NRAP: variants seen among roughly 807,000 people sequenced by gnomAD.
NRAP encodes nebulin-related-anchoring protein.
A neutral mutation model predicts 225.9 loss-of-function variants in NRAP; 189 were observed. That is an observed-to-expected ratio of 0.84 (90% CI 0.74 to 0.94). The LOEUF is 0.94. Among genes scored for constraint, NRAP ranks in the 40% least tolerant of loss-of-function variants. The pLI is 0.00. For synonymous variants in NRAP, 769 were observed against 790.7 expected, an observed-to-expected ratio of 0.97 and a Z score of 0.46; for missense variants, 2,176 against 2,168.7, an observed-to-expected ratio of 1.00 and a Z score of -0.07.
intron 3 of NRAP, among the ~76,000 whole-genome samples, chr10:113,660,256 C>T (rs555817623): frequency 6.6e-6 from 1 of 152,074 alleles, no homozygotes; most frequent in South Asian, 2.1e-4. Context: ...ACACAATACA[C>T]ATGAACATGT....
At chr10:113,615,375 C>T (rs1592768601) in intron 27 of NRAP, among the ~76,000 whole-genome samples, 1 of 152,306 alleles carries the variant, frequency 6.6e-6, no homozygotes, top group South Asian at 2.1e-4. Context: ...AGCCCCAAGT[C>T]TTCCCTTGGT....
intron 39 of NRAP, among the ~76,000 whole-genome samples, chr10:113,591,190 G>C (rs145251658): frequency 5.9e-5 from 9 of 152,320 alleles, no homozygotes; most frequent in Middle Eastern, 3.4e-3. Context: ...CCACTGAGTG[G>C]TGGCTACTGG....
intron 35 of NRAP, among the ~76,000 whole-genome samples, chr10:113,598,720 A>G (rs1203009438): frequency 6.6e-6 from 1 of 152,248 alleles, no homozygotes; most frequent in Non-Finnish European, 1.5e-5. Context: ...TTTGGATGCC[A>G]CCAGCTAATA....
intron 7 of NRAP, 34 bp from the exon 8 acceptor site, chr10:113,650,579 A>T: frequency 7.3e-7 from 1 of 1,369,768 alleles, no homozygotes; most frequent in Non-Finnish European, 1.0e-6. Flanking sequence ...CACATGCCCC[A>T]TGTTTATCAG....
chr10:113,640,198 G>A, intron 14 of NRAP, 29 bp downstream of exon 14: 2 of 1,306,962 alleles, frequency 1.5e-6, no homozygotes, highest in Non-Finnish European at 2.2e-6. Flanking sequence ...AAGTGACAAA[G>A]CAGAAAGAGC....
At position 113,624,950 on chromosome 10, in the gene NRAP, A is replaced by G. The variant is rs1404246004; in HGVS notation, c.2245-20T>C. ...GGCCACCTGTTGGGAAAGAGCACTG[A>G]GTCAGGAGCAGGTGGCAAGGGCGAG... is the stretch of plus-strand genomic sequence containing the variant. On this transcript the variant is annotated intron_variant, in intron 21 of 41. Coordinates refer to ENST00000359988, the MANE Select transcript of NRAP (RefSeq NM_198060.4). The G allele has an allele frequency of 6.5e-7, 1 of 1,546,970 alleles. No individual in the cohort carries two copies. The highest frequency in any genetic ancestry group is 8.9e-7 in the Non-Finnish European group (1 of 1,119,270).
chr10:113,653,886 A>G, intron 5 of NRAP, 135 bp downstream of exon 5: 2 of 699,810 alleles, frequency 2.9e-6, no homozygotes, highest in South Asian at 3.3e-5. Context: ...TCCTGGTTTC[A>G]GGGATTAGGA....
chr10:113,589,759 A>G lies in NRAP; in HGVS notation c.4995T>C (p.Val1665=). The stretch of plus-strand genomic sequence containing the variant: ...TGTAGGAGCCAGGAGGGGTCCAGCC[A>G]ACACCTCTGGTCAGGTTCAAGTCTG... The part of the protein sequence containing the change: ...YKSDLNLTRG[V]GWTPPGSYKV... Residue 1665 remains valine (V), a synonymous_variant, in exon 41 of 42, where the codon GTT becomes GTC. Coordinates refer to ENST00000359988, the MANE Select transcript of NRAP (RefSeq NM_198060.4). 1 of 1,614,184 alleles carries G rather than the reference A, an allele frequency of 6.2e-7. No individual in the cohort carries two copies. The highest frequency in any genetic ancestry group is 8.5e-7 in the Non-Finnish European group (1 of 1,180,014).
intron 14 of NRAP, among the ~76,000 whole-genome samples, chr10:113,637,689 C>G (rs184755910): frequency 3.9e-5 from 6 of 152,168 alleles, no homozygotes; most frequent in Non-Finnish European, 2.9e-5. Context: ...TTTGGGAGGC[C>G]GAGGCAGGCG....
Position 113,620,656 on chromosome 10 carries a change from G to C in NRAP, c.2822C>G (p.Thr941Ser), listed in dbSNP as rs1234235271. The change falls in exon 25 of 42, where the codon ACC becomes AGC. Residue 941 changes from threonine to serine, a missense_variant. Physicochemically the swap from Thr to Ser is moderately conservative, Grantham distance 58. This residue lies in a region of NRAP where 1,708 missense variants were observed against 1,695.5 expected (regional missense o/e 1.01). Coordinates refer to ENST00000359988, the MANE Select transcript of NRAP (RefSeq NM_198060.4). ...KWMKGMGWVA[T>S]GSLNVEQAKK... ...CGCCTGCTCCACATTTAATGACCCGGTGGCGACCCAGCCCATGCCTTTCAT... is the reference window on the plus strand; with the variant it reads ...CGCCTGCTCCACATTTAATGACCCGCTGGCGACCCAGCCCATGCCTTTCAT... 6.2e-7 allele frequency: 1 copy of C among 1,613,544 alleles called. No homozygotes were observed. Among genetic ancestry groups the C allele is most frequent in the South Asian group, 1.1e-5 (1 of 91,064 alleles).
intron 34 of NRAP, 49 bp downstream of exon 34, chr10:113,605,713 G>T: frequency 8.2e-7 from 1 of 1,219,910 alleles, no homozygotes; most frequent in Non-Finnish European, 1.2e-6. Flanking sequence ...TGTTTTACAT[G>T]AAGTTAACAG....
At chr10:113,657,416 G>T in intron 4 of NRAP, 54 bp downstream of exon 4, 1 of 897,500 alleles carries the variant, frequency 1.1e-6, no homozygotes, top group Non-Finnish European at 1.9e-6. Flanking sequence ...ACACTCAATT[G>T]ACATAGTATG....
At chr10:113,651,218 C>A (rs1298168275) in intron 7 of NRAP, among the ~76,000 whole-genome samples, 2 of 152,172 alleles carry the variant, frequency 1.3e-5, no homozygotes, top group Non-Finnish European at 2.9e-5. Context: ...GTTACCCATG[C>A]AGGACTAAAA....
intron 20 of NRAP, among the ~76,000 whole-genome samples, chr10:113,628,341 C>A (rs1374353395): frequency 6.6e-6 from 1 of 152,116 alleles, no homozygotes; most frequent in East Asian, 1.9e-4. Flanking sequence ...GCACGTGCCA[C>A]CACACCTGGC....
intron 14 of NRAP, among the ~76,000 whole-genome samples, chr10:113,636,507 T>A (rs1341032203): frequency 6.6e-6 from 1 of 152,154 alleles, no homozygotes; most frequent in Non-Finnish European, 1.5e-5. Context: ...AGTCCAATGC[T>A]TGGCCTTACT....
In NRAP at chr10:113,612,237, ACT is replaced by A; in HGVS notation, c.3493_3494del (p.Ser1165Ter). On this transcript the variant is annotated frameshift_variant, in exon 30 of 42. Transcript: ENST00000359988. LOFTEE classifies it high-confidence loss of function. ...SCAKKAHKLQ[S>X]ENLYRSDLNF... is the part of the protein sequence containing the mutation. ...GAAAGAGGCCAGGTCTCCTTACCTC[ACT>A]CTGCAATTTGTGAGCTTTCTTGGCA... The A allele has an allele frequency of 6.2e-7, 1 of 1,613,874 alleles. No homozygotes were observed. The highest frequency in any genetic ancestry group is 8.5e-7 in the Non-Finnish European group (1 of 1,179,874).
In NRAP at chr10:113,641,385, C is replaced by T. The variant is rs1443417442; in HGVS notation, c.1303G>A (p.Val435Ile). 6.2e-6 allele frequency: 10 copies of T among 1,613,364 alleles called. No individual in the cohort carries two copies. Among genetic ancestry groups the T allele is most frequent in the East Asian group, 2.2e-5 (1 of 44,872 alleles). ...MDRRTLHAMK[V>I]GSLASNVAYK... Reference sequence around the variant, plus strand: ...CTCACGTTGCTTGCCAGGCTGCCAACTTTCATAGCATGCAGAGTGCGTCTG... The same window carrying T: ...CTCACGTTGCTTGCCAGGCTGCCAATTTTCATAGCATGCAGAGTGCGTCTG... Residue 435 changes from valine to isoleucine, a missense_variant, in exon 13 of 42, where the codon GTT (valine) becomes ATT (isoleucine). By Grantham distance (29) the Val-to-Ile change is conservative. Coordinates refer to ENST00000359988, the MANE Select transcript of NRAP (RefSeq NM_198060.4).
intron 39 of NRAP, among the ~76,000 whole-genome samples, chr10:113,591,859 T>G (rs1247889427): frequency 1.3e-5 from 2 of 152,248 alleles, no homozygotes; most frequent in Non-Finnish European, 2.9e-5. Context: ...CTTTCTACTC[T>G]ACCACACTGA....
At chr10:113,613,783 A>G (rs1847469920) in intron 29 of NRAP, among the ~76,000 whole-genome samples, 1 of 152,184 alleles carries the variant, frequency 6.6e-6, no homozygotes, top group South Asian at 2.1e-4. Flanking sequence ...TGTAGCCTTA[A>G]GGAATCCAGG....
Sources: gnomAD v4.1 joint callset for allele counts (sites outside exome capture counted in the v4.1 genomes callset) on GRCh38, gnomAD v4.1.1 for gene constraint, gnomAD v4.1.1 regional missense constraint, MANE v1.5 for transcripts, NCBI Gene and HGNC (gene_info 2026-07-23, HGNC 2026-07-21) for gene names.